Variants in PLAC1 observed in about 807,000 individuals in gnomAD.
The protein encoded by PLAC1 is placenta associated 1.
For synonymous variants in PLAC1, 68 were observed against 62.1 expected (o/e 1.09, Z -0.44); for missense variants, 136 against 163.2 (o/e 0.83, Z 0.91).
chrX:134,704,828 C>CA (rs918408708), intron 2 of PLAC1, among the ~76,000 whole-genome samples: 1 of 100,374 alleles, frequency 1.0e-5, no homozygotes, highest in Non-Finnish European at 2.0e-5. Context: ...CCATCTCTAC[C>CA]AAAAAAATAC....
chrX:134,577,732 C>T (rs2077947562), intron 2 of PLAC1, among the ~76,000 whole-genome samples: 1 of 100,536 alleles, frequency 9.9e-6, no homozygotes, highest in Admixed American at 1.2e-4. Flanking sequence ...CACAGAATGC[C>T]TCATGTGTGC....
intron 2 of PLAC1, among the ~76,000 whole-genome samples, chrX:134,580,752 T>C (rs141619921): frequency 7.3e-4 from 82 of 112,201 alleles, no homozygotes; most frequent in African/African-American, 2.5e-3. Context: ...TCACTCTCTA[T>C]ATTTTGGACT....
intron 1 of PLAC1, among the ~76,000 whole-genome samples, chrX:134,603,272 TATATATATATATA>T (rs1569384274): frequency 0.011 from 25 of 2,287 alleles, no homozygotes; most frequent in African/African-American, 0.031. Context: ...CTGTATTTTA[TATATATATATATA>T]TATATATATA....
In PLAC1 at chrX:134,572,138, G is replaced by A. The variant is rs768988190; in HGVS notation, c.-58-5398C>T. Among the ~76,000 whole-genome samples the A allele has an allele frequency of 2.7e-5, 3 of 111,485 alleles. No homozygotes were observed. The Admixed American group carries it at 2.9e-4, about 11-fold the overall frequency. ...AGCTGATTTAAAGAAAAATGAATCT[G>A]AGTCAGAATAAAGATTCTTTTACAA... On this transcript the variant is annotated intron_variant, in intron 2 of 2. Coordinates refer to ENST00000359237, the MANE Select transcript of PLAC1 (RefSeq NM_021796.4).
upstream of PLAC1, among the ~76,000 whole-genome samples, chrX:134,662,844 G>A (rs1238730373): frequency 8.9e-6 from 1 of 111,844 alleles, no homozygotes; most frequent in Non-Finnish European, 1.9e-5. Flanking sequence ...CAGGAGAATT[G>A]CTTGAACTTG....
At chrX:134,713,221 C>T (rs953554099) in intron 2 of PLAC1, among the ~76,000 whole-genome samples, 4 of 111,616 alleles carry the variant, frequency 3.6e-5, no homozygotes, top group Admixed American at 2.9e-4. Flanking sequence ...GAAGAGCTTC[C>T]GACCTCAGAT....
chrX:134,707,749 A>G (rs1018497305), intron 2 of PLAC1, among the ~76,000 whole-genome samples: 1 of 111,823 alleles, frequency 8.9e-6, no homozygotes, highest in African/African-American at 3.2e-5. Context: ...TCTTCTATTG[A>G]TTTTTTTTTA....
At chrX:134,685,202 C>T (rs770654189) in intron 2 of PLAC1, among the ~76,000 whole-genome samples, 1 of 111,750 alleles carries the variant, frequency 8.9e-6, no homozygotes, top group Non-Finnish European at 1.9e-5. Context: ...AGGAACTAGA[C>T]ATCTGCAGCA....
chrX:134,740,147 G>A (rs1412631631), intron 1 of PLAC1, among the ~76,000 whole-genome samples: 5 of 109,930 alleles, frequency 4.5e-5, no homozygotes, highest in Non-Finnish European at 5.7e-5. Flanking sequence ...GAGAAACCCC[G>A]TCTCTACTAA....
rs1033362885 is a variant in PLAC1 at position 134,746,433 on chromosome X, G to A, written n.90-12914C>T. On this transcript the variant is annotated intron_variant and non_coding_transcript_variant, in intron 1 of 2. Transcript: ENST00000466797. ...ACTGCCTTTCTGGAGTTAACATCAA[G>A]GACTTTAGAAACATCTTGGTAAAGG... Among the ~76,000 whole-genome samples, 6 of 111,561 alleles carry A rather than the reference G, an allele frequency of 5.4e-5. No homozygotes were observed. The Admixed American group carries it at 5.7e-4, about 11-fold the overall frequency.
At chrX:134,577,750 CGTGTGTGTGTGT>C (rs750817404) in intron 2 of PLAC1, among the ~76,000 whole-genome samples, 6 of 94,149 alleles carry the variant, frequency 6.4e-5, no homozygotes, top group Non-Finnish European at 1.1e-4. Context: ...TGCATGCATG[CGTGTGTGTGTGT>C]GTGTGTGTGT....
At chrX:134,659,611 A>G (rs182161949), upstream of PLAC1, among the ~76,000 whole-genome samples, 2 of 112,187 alleles carry the variant, frequency 1.8e-5, no homozygotes, top group Admixed American at 9.5e-5. Context: ...CCCAAAGTAC[A>G]TAAGACTCCA....
intron 2 of PLAC1, among the ~76,000 whole-genome samples, chrX:134,728,012 A>G (rs182815773): frequency 8.9e-6 from 1 of 112,356 alleles, no homozygotes; most frequent in Non-Finnish European, 1.9e-5. Flanking sequence ...AAAATTCACT[A>G]AAGATGTTCA....
At chrX:134,715,558 T>G (rs2078641054) in intron 2 of PLAC1, among the ~76,000 whole-genome samples, 1 of 110,707 alleles carries the variant, frequency 9.0e-6, no homozygotes, top group Non-Finnish European at 1.9e-5. Context: ...TAACCTTGTT[T>G]GTCAATTAAC....
chrX:134,691,685 T>C (rs921501517), intron 2 of PLAC1, among the ~76,000 whole-genome samples: 1 of 111,903 alleles, frequency 8.9e-6, no homozygotes, highest in South Asian at 3.7e-4. Flanking sequence ...CTAGTTCGTG[T>C]ATGACCTCAC....
chrX:134,592,704 C>CAA (rs2124377091), intron 2 of PLAC1, among the ~76,000 whole-genome samples: 1 of 104,120 alleles, frequency 9.6e-6, no homozygotes, highest in Admixed American at 1.1e-4. Flanking sequence ...ATCAATCAAT[C>CAA]TCTCTCTCTG....
chrX:134,570,652 G>A (rs1390908834), intron 2 of PLAC1, among the ~76,000 whole-genome samples: 1 of 111,874 alleles, frequency 8.9e-6, no homozygotes, highest in Non-Finnish European at 1.9e-5. Context: ...GCCAAGTAGG[G>A]CTCAGCTGTT....
In PLAC1 at chrX:134,671,262, C is replaced by CA. The variant is rs978400199; in HGVS notation, n.174+62172dup. On this transcript the variant is annotated intron_variant and non_coding_transcript_variant, in intron 2 of 2. Coordinates refer to the PLAC1 transcript ENST00000466797. ...AAATGTAAAATGTTATAATTTGGTC[C>CA]AAAAAAATCAATTGCACTAATATAA... is the stretch of plus-strand genomic sequence containing the variant. Among the ~76,000 whole-genome samples, 5 of 110,708 alleles carry CA rather than the reference C, an allele frequency of 4.5e-5. No homozygotes were observed. In the Admixed American group the frequency reaches 4.8e-4, roughly 11 times the overall value.
chrX:134,740,456 A>G (rs1049475517), intron 1 of PLAC1, among the ~76,000 whole-genome samples: 2 of 112,083 alleles, frequency 1.8e-5, no homozygotes, highest in African/African-American at 3.2e-5. Context: ...TATGGCCTCT[A>G]TGATTCTATT....
Sources: gnomAD v4.1 joint callset for allele counts (sites outside exome capture counted in the v4.1 genomes callset) on GRCh38, gnomAD v4.1.1 for gene constraint, MANE v1.5 for transcripts, NCBI Gene and HGNC (gene_info 2026-07-23, HGNC 2026-07-21) for gene names.